MAPKAPK2: variants seen among roughly 807,000 people sequenced by gnomAD.
MAPKAPK2 encodes the protein MAPK activated protein kinase 2.
MAPKAPK2 carries 9 observed loss-of-function variants against 48.8 expected under a neutral mutation model. The observed-to-expected ratio is 0.18, with a 90% CI of 0.11 to 0.32. MAPKAPK2 has a LOEUF of 0.32. MAPKAPK2 is among the 10% of genes least tolerant of loss of function. The pLI, the probability that MAPKAPK2 is intolerant of heterozygous loss-of-function variation, is 1.00. For missense variants in MAPKAPK2, 331 were observed against 498.3 expected, an observed-to-expected ratio of 0.66 and a Z score of 3.20; for synonymous variants, 202 against 190.6, an observed-to-expected ratio of 1.06 and a Z score of -0.49.
chr1:206,689,492 A>G (rs1409320452), intron 1 of MAPKAPK2, among the ~76,000 whole-genome samples: 1 of 152,212 alleles, frequency 6.6e-6, no homozygotes, highest in Non-Finnish European at 1.5e-5. Context: ...GAGTTGTCAC[A>G]AGGTTAGGAA....
intron 1 of MAPKAPK2, chr1:206,696,000 T>C: frequency 2.6e-6 from 2 of 768,492 alleles, no homozygotes; most frequent in Non-Finnish European, 4.8e-6. Context: ...GAGTTCGATG[T>C]GTAGGGCAGT....
rs782225811 is a variant in MAPKAPK2 at position 206,731,952 on chromosome 1, G to C, written c.1059+33G>C. ...GCACCACTGGGTGAGAGGGGCTCCAGGTGGGGTGGGCGGCTTGCGGGGAGT... is the reference window on the plus strand; with the variant it reads ...GCACCACTGGGTGAGAGGGGCTCCACGTGGGGTGGGCGGCTTGCGGGGAGT... On this transcript the variant is annotated intron_variant, in intron 9 of 9. Transcript: ENST00000367103. This position sits in a 1 kb window ranked among gnomAD's most constrained non-coding sequence, Gnocchi z 5.9. 2 of 1,614,156 alleles carry C rather than the reference G, an allele frequency of 1.2e-6. No individual in the cohort carries two copies. The highest frequency in any genetic ancestry group is 4.5e-5 in the East Asian group (2 of 44,878).
Position 206,729,414 on chromosome 1 carries a change from A to G in MAPKAPK2, c.503A>G (p.Lys168Arg). 4 of 1,614,038 alleles carry G rather than the reference A, an allele frequency of 2.5e-6. No homozygotes were observed. The highest frequency in any genetic ancestry group is 3.4e-6 in the Non-Finnish European group (4 of 1,179,904). Residue 168 changes from lysine to arginine, a missense_variant, in exon 4 of 10, where the codon AAG becomes AGG. Lys to Arg is a conservative substitution (Grantham distance 26). Coordinates refer to ENST00000367103, the MANE Select transcript of MAPKAPK2 (RefSeq NM_032960.4). Reference sequence around the variant, plus strand: ...TCTACAGAAGCATCCGAAATCATGAAGAGCATCGGTGAGGCCATCCAGTAT... The same window carrying G: ...TCTACAGAAGCATCCGAAATCATGAGGAGCATCGGTGAGGCCATCCAGTAT... The part of the protein sequence containing the change: ...FTEREASEIM[K>R]SIGEAIQYLH...
intron 5 of MAPKAPK2, among the ~76,000 whole-genome samples, chr1:206,730,391 G>A (rs1265043719): frequency 1.3e-5 from 2 of 152,246 alleles, no homozygotes. Context: ...GATTGGCATG[G>A]AAGAAGCTTT....
chr1:206,704,154 G>A lies in MAPKAPK2; in HGVS notation c.279+18646G>A, dbSNP rs1027198011. ...CTATCTGATAGTTTTTCCTGGAGTTGGGGAGGGGTCCTACTTTCAGATCCA... is the reference window on the plus strand; with the variant it reads ...CTATCTGATAGTTTTTCCTGGAGTTAGGGAGGGGTCCTACTTTCAGATCCA... On this transcript the variant is annotated intron_variant, in intron 1 of 9. Transcript: ENST00000367103. This position sits in a 1 kb window ranked among gnomAD's most constrained non-coding sequence, Gnocchi z 4.3. Among the ~76,000 whole-genome samples the A allele has an allele frequency of 5.9e-5, 9 of 152,212 alleles. No homozygotes were observed. The highest frequency in any genetic ancestry group is 1.2e-4 in the African/African-American group (5 of 41,444).
chr1:206,706,540 C>A (rs1553428593), intron 1 of MAPKAPK2, among the ~76,000 whole-genome samples: 1 of 152,134 alleles, frequency 6.6e-6, no homozygotes, highest in East Asian at 1.9e-4. Context: ...CAGCTCTGAC[C>A]CCCGTGGGCT....
chr1:206,727,300 A>G (rs1428539613), intron 1 of MAPKAPK2, among the ~76,000 whole-genome samples: 4 of 152,226 alleles, frequency 2.6e-5, no homozygotes, highest in Non-Finnish European at 5.9e-5. Context: ...AATCTGTGAA[A>G]CAGAAGCCAT....
Position 206,684,925 on chromosome 1 carries a change from G to A in MAPKAPK2, c.-305G>A, listed in dbSNP as rs1558569302. Reference sequence around the variant, plus strand: ...AGGCTGTGACGCGGCCGCCGGCCCGGGGCTGGGTACATTGTCGCGCGGCCG... The same window carrying A: ...AGGCTGTGACGCGGCCGCCGGCCCGAGGCTGGGTACATTGTCGCGCGGCCG... On this transcript the variant is annotated 5_prime_UTR_variant, in exon 1 of 10. Coordinates refer to ENST00000367103, the MANE Select transcript of MAPKAPK2 (RefSeq NM_032960.4). 1 of 151,184 alleles carries A rather than the reference G, an allele frequency of 6.6e-6. No homozygotes were observed. Among genetic ancestry groups the A allele is most frequent in the Non-Finnish European group, 1.5e-5 (1 of 67,754 alleles). 9.4% of individuals were successfully genotyped at this position (151,184 alleles called of 1,614,324 possible). A position where few individuals can be genotyped will look rare whatever the true frequency, so the allele number is the denominator to read the frequency against.
intron 1 of MAPKAPK2, among the ~76,000 whole-genome samples, chr1:206,697,936 A>G (rs1344894298): frequency 6.6e-6 from 1 of 152,228 alleles, no homozygotes; most frequent in African/African-American, 2.4e-5. Context: ...CTCATTGTAA[A>G]TCAACAGGAC....
At chr1:206,698,066 C>T (rs1553427323) in intron 1 of MAPKAPK2, among the ~76,000 whole-genome samples, 1 of 152,260 alleles carries the variant, frequency 6.6e-6, no homozygotes, top group Admixed American at 6.5e-5. Context: ...CCCAGGGAGC[C>T]TCGGGGACTA....
At chr1:206,691,482 G>GAGATATATATATATATATATATATATAT (rs1553426249) in intron 1 of MAPKAPK2, among the ~76,000 whole-genome samples, 2 of 77,294 alleles carry the variant, frequency 2.6e-5, no homozygotes, top group Non-Finnish European at 5.6e-5. Flanking sequence ...TGTATTTTAA[G>GAGATATATATATATATATATATATATAT]ATATATATAT....
chr1:206,725,739 C>T (rs1218434780), intron 1 of MAPKAPK2, among the ~76,000 whole-genome samples: 1 of 152,128 alleles, frequency 6.6e-6, no homozygotes, highest in Non-Finnish European at 1.5e-5. Context: ...CCTCTGGGCT[C>T]CAGTTCCTGT....
chr1:206,699,335 A>G lies in MAPKAPK2; in HGVS notation c.279+13827A>G, dbSNP rs367919070. Among the ~76,000 whole-genome samples the G allele has an allele frequency of 9.7e-4, 147 of 152,180 alleles. 1 individual carries two copies. The highest frequency in any genetic ancestry group is 3.5e-3 in the African/African-American group (145 of 41,520). On this transcript the variant is annotated intron_variant, in intron 1 of 9. Coordinates refer to ENST00000367103, the MANE Select transcript of MAPKAPK2 (RefSeq NM_032960.4). ...ATGATGGGCTCTTCAAGGTGGGAGGAAGTAGAGGGTGGGATCACTGCCTGG... is the reference window on the plus strand; with the variant it reads ...ATGATGGGCTCTTCAAGGTGGGAGGGAGTAGAGGGTGGGATCACTGCCTGG...
chr1:206,698,054 G>A (rs1322474226), intron 1 of MAPKAPK2, among the ~76,000 whole-genome samples: 1 of 152,258 alleles, frequency 6.6e-6, no homozygotes, highest in Non-Finnish European at 1.5e-5. Flanking sequence ...GTCGGCCTGG[G>A]TCCCAGGGAG....
Position 206,685,196 on chromosome 1 carries a change from C to T in MAPKAPK2, c.-34C>T, listed in dbSNP as rs1408146450. ...AGCCGGAGGAGGGGGCGGCCGCGGGCACCCCCGCCTGTGCCCCGGCGTCCC... is the reference window on the plus strand; with the variant it reads ...AGCCGGAGGAGGGGGCGGCCGCGGGTACCCCCGCCTGTGCCCCGGCGTCCC... On this transcript the variant is annotated 5_prime_UTR_variant, in exon 1 of 10. Coordinates refer to ENST00000367103, the MANE Select transcript of MAPKAPK2 (RefSeq NM_032960.4). 1.5e-3 allele frequency: 476 copies of T among 310,938 alleles called. 1 individual carries two copies. The highest frequency in any genetic ancestry group is 9.8e-3 in the African/African-American group (429 of 43,960). 19.3% of individuals were successfully genotyped at this position (310,938 alleles called of 1,614,324 possible).
At position 206,732,153 on chromosome 1, in the gene MAPKAPK2, G is replaced by A; in HGVS notation, c.1059+234G>A. The A allele has an allele frequency of 6.2e-7, 1 of 1,612,870 alleles. No individual in the cohort carries two copies. The highest frequency in any genetic ancestry group is 8.5e-7 in the Non-Finnish European group (1 of 1,179,036). Reference sequence around the variant, plus strand: ...GTTTCTTAGAATCCTTTTATTCCCTGGGTCTCTAATGGGACCTTAAAGACC... The same window carrying A: ...GTTTCTTAGAATCCTTTTATTCCCTAGGTCTCTAATGGGACCTTAAAGACC... On this transcript the variant is annotated intron_variant, in intron 9 of 9. Coordinates refer to ENST00000367103, the MANE Select transcript of MAPKAPK2 (RefSeq NM_032960.4). This position sits in a 1 kb window ranked among gnomAD's most constrained non-coding sequence, Gnocchi z 4.4.
At chr1:206,699,622 T>A (rs1672736364) in intron 1 of MAPKAPK2, among the ~76,000 whole-genome samples, 1 of 152,246 alleles carries the variant, frequency 6.6e-6, no homozygotes. Flanking sequence ...ATGGCTGGGC[T>A]AAAGCTGTGG....
chr1:206,707,042 G>A (rs1322889163), intron 1 of MAPKAPK2, among the ~76,000 whole-genome samples: 2 of 152,238 alleles, frequency 1.3e-5, no homozygotes, highest in East Asian at 3.9e-4. Flanking sequence ...AGGAGGGAAC[G>A]GCACTGCAGC....
intron 1 of MAPKAPK2, among the ~76,000 whole-genome samples, chr1:206,723,342 T>C (rs1673600952): frequency 6.6e-6 from 1 of 152,110 alleles, no homozygotes; most frequent in Non-Finnish European, 1.5e-5. Context: ...ACGGATGCAG[T>C]ACTTATTACG....
Sources: gnomAD v4.1 joint callset for allele counts (sites outside exome capture counted in the v4.1 genomes callset) on GRCh38, gnomAD v4.1.1 for gene constraint, Gnocchi (gnomAD v3.1) non-coding constraint, MANE v1.5 for transcripts, NCBI Gene and HGNC (gene_info 2026-07-23, HGNC 2026-07-21) for gene names.